The following EXTL1 variants were observed in gnomAD, a reference collection of about 807,000 sequenced individuals.
EXTL1 encodes the protein exostosin like glycosyltransferase 1.
EXTL1 carries 43 observed loss-of-function variants against 64.6 expected under a neutral mutation model. The observed-to-expected ratio is 0.67, with a 90% CI of 0.52 to 0.86. The LOEUF is 0.86. Ranked by LOEUF, EXTL1 falls within the 40% of genes least tolerant of loss-of-function variation. The pLI is 0.00. For synonymous variants in EXTL1, 352 were observed against 360.5 expected (o/e 0.98, Z 0.27); for missense variants, 766 against 879.0 (o/e 0.87, Z 1.62).
At chr1:26,026,253 A>AAAAG (rs2050214476) in intron 1 of EXTL1, among the ~76,000 whole-genome samples, 1 of 151,684 alleles carries the variant, frequency 6.6e-6, no homozygotes, top group African/African-American at 2.4e-5. Context: ...AAAAAAAAAA[A>AAAAG]AAAAAGGCAG....
In EXTL1 at chr1:26,025,486, A is replaced by G. The variant is rs2050204698; in HGVS notation, c.779+2061A>G. 6.6e-6 allele frequency among the ~76,000 whole-genome samples: 1 copy of G among 152,140 alleles called. No homozygotes were observed. Among genetic ancestry groups the G allele is most frequent in the Non-Finnish European group, 1.5e-5 (1 of 68,028 alleles). ...AGGGTGACAAGGTTCCCTCTTCTCC[A>G]TGAGCCCCTCACTTTTCTAATCAGG... On this transcript the variant is annotated intron_variant, in intron 1 of 10. Coordinates refer to ENST00000374280, the MANE Select transcript of EXTL1 (RefSeq NM_004455.3). The surrounding 1 kb of genome is among the most constrained non-coding windows in gnomAD (Gnocchi z 5.3).
intron 1 of EXTL1, among the ~76,000 whole-genome samples, chr1:26,028,435 A>G (rs756627170): frequency 6.6e-6 from 1 of 152,174 alleles, no homozygotes; most frequent in Non-Finnish European, 1.5e-5. Context: ...GGCCCTAGTC[A>G]TGAGTCCCAC....
Position 26,035,505 on chromosome 1 carries a change from C to T in EXTL1, c.*158C>T. On this transcript the variant is annotated 3_prime_UTR_variant, in exon 11 of 11. Transcript: ENST00000374280. This position sits in a 1 kb window ranked among gnomAD's most constrained non-coding sequence, Gnocchi z 5.3. ...CGGTTGGCCAATCACAACAGGGGGG[C>T]GTGGCCTTACCTTCTCCTGCTCGCC... is the stretch of plus-strand genomic sequence containing the variant. 1.7e-6 allele frequency: 1 copy of T among 588,850 alleles called. No homozygotes were observed. Among genetic ancestry groups the T allele is most frequent in the South Asian group, 2.9e-5 (1 of 34,428 alleles). The allele number at this position is 588,850 out of a possible 1,614,324, so 36.5% of individuals were successfully genotyped here.
chr1:26,029,530 T>C (rs1262772304), intron 2 of EXTL1, 70 bp from the exon 3 acceptor site: 2 of 941,948 alleles, frequency 2.1e-6, no homozygotes, highest in East Asian at 5.2e-5. Context: ...AGCTACTGAC[T>C]TGGAACTGGG....
intron 1 of EXTL1, among the ~76,000 whole-genome samples, chr1:26,028,859 G>A (rs77723509): frequency 0.062 from 9,394 of 152,268 alleles, 436 homozygotes; most frequent in Middle Eastern, 0.17. Context: ...GCAGGGCCTC[G>A]GAAACATCAG....
At position 26,033,318 on chromosome 1, in the gene EXTL1, G is replaced by A. The variant is rs2050308272; in HGVS notation, c.1518+3G>A. 1.2e-6 allele frequency: 2 copies of A among 1,613,204 alleles called. No individual in the cohort carries two copies. Among genetic ancestry groups the A allele is most frequent in the Non-Finnish European group, 1.7e-6 (2 of 1,179,294 alleles). ...GCAGCAGTCTTTCCACAAGTGAGGT[G>A]AGGGCTGGGCCCAAGAGAAGCCCAG... On this transcript the variant is annotated splice_donor_region_variant and intron_variant, in intron 8 of 10. Coordinates refer to ENST00000374280, the MANE Select transcript of EXTL1 (RefSeq NM_004455.3). This position sits in a 1 kb window ranked among gnomAD's most constrained non-coding sequence, Gnocchi z 5.1.
intron 1 of EXTL1, 61 bp downstream of exon 1, chr1:26,023,486 A>G (rs2124399983): frequency 7.2e-7 from 1 of 1,388,676 alleles, no homozygotes; most frequent in Non-Finnish European, 9.4e-7. Flanking sequence ...CGCAAGCCCA[A>G]AAACGAGGGT....
intron 1 of EXTL1, among the ~76,000 whole-genome samples, chr1:26,028,222 G>A (rs899821881): frequency 5.3e-5 from 8 of 152,228 alleles, no homozygotes; most frequent in African/African-American, 1.9e-4. Flanking sequence ...GTCAGGAGCT[G>A]GCAAATCTCT....
chr1:26,031,534 C>G lies in EXTL1; in HGVS notation c.1309C>G (p.Gln437Glu). The change falls in exon 6 of 11, where the codon CAG becomes GAG. Residue 437 changes from glutamine to glutamate, a missense_variant. This residue lies in a region of EXTL1 where 571 missense variants were observed against 647.6 expected (regional missense o/e 0.88). Coordinates refer to ENST00000374280, the MANE Select transcript of EXTL1 (RefSeq NM_004455.3). ...AGGCCAGCCCCCTCTGAAGCTCATC[C>G]AGGCGGTGGCAGGCTCCCAGCACTG... Reference protein sequence around the residue: ...PPGQPPLKLIQAVAGSQHCAQ... With the variant: ...PPGQPPLKLIEAVAGSQHCAQ... The G allele has an allele frequency of 6.3e-7, 1 of 1,597,560 alleles. No homozygotes were observed. Among genetic ancestry groups the G allele is most frequent in the Non-Finnish European group, 8.5e-7 (1 of 1,172,120 alleles).
At position 26,034,698 on chromosome 1, in the gene EXTL1, A is replaced by G; in HGVS notation, c.1680-138A>G. 1 of 793,000 alleles carries G rather than the reference A, an allele frequency of 1.3e-6. No individual in the cohort carries two copies. The highest frequency in any genetic ancestry group is 2.1e-6 in the Non-Finnish European group (1 of 481,722). The allele number at this position is 793,000 out of a possible 1,614,324, so 49.1% of individuals were successfully genotyped here. A position where few individuals can be genotyped will look rare whatever the true frequency, so the allele number is the denominator to read the frequency against. On this transcript the variant is annotated intron_variant, in intron 9 of 10. Transcript: ENST00000374280. This position sits in a 1 kb window ranked among gnomAD's most constrained non-coding sequence, Gnocchi z 4.6. ...CAATGGAGAGCTGTTCACGCCAGGG[A>G]TGGGAGCTCTCTGAGGCAGCCAGGG...
chr1:26,031,512 C>G lies in EXTL1; in HGVS notation c.1287C>G (p.Gly429=), dbSNP rs767381466. The G allele has an allele frequency of 1.2e-6, 2 of 1,601,768 alleles. No individual in the cohort carries two copies. Among genetic ancestry groups the G allele is most frequent in the East Asian group, 4.5e-5 (2 of 44,478 alleles). The change falls in exon 6 of 11, where the codon GGC becomes GGG. Residue 429 remains glycine (G), a synonymous_variant. Transcript: ENST00000374280. The part of the protein sequence containing the change: ...FSALIWVGPP[G]QPPLKLIQAV... ...CCCTGATCTGGGTGGGGCCCCCAGG[C>G]CAGCCCCCTCTGAAGCTCATCCAGG...
chr1:26,029,310 C>T (rs377637365), intron 2 of EXTL1, 24 bp downstream of exon 2: 5 of 1,584,014 alleles, frequency 3.2e-6, no homozygotes, highest in African/African-American at 2.7e-5. Flanking sequence ...TTGAGCATCA[C>T]CCATCCTCTG....
Position 26,022,748 on chromosome 1 carries a change from G to C in EXTL1, c.102G>C (p.Leu34Phe). The change falls in exon 1 of 11, where the codon TTG becomes TTC. Residue 34 changes from leucine to phenylalanine, a missense_variant. Around this residue, in one of 3 missense-constraint regions of EXTL1, gnomAD observed 571 missense variants for 647.6 expected, o/e 0.88. Transcript: ENST00000374280. ...LGGFSLLRLA[L>F]PPRPRPGASQ... ...GCTTCTCCCTTCTCCGCCTGGCATT[G>C]CCTCCCAGACCTCGGCCCGGGGCTT... is the stretch of plus-strand genomic sequence containing the variant. 3.1e-6 allele frequency: 5 copies of C among 1,614,076 alleles called. No individual in the cohort carries two copies. Among genetic ancestry groups the C allele is most frequent in the Non-Finnish European group, 4.2e-6 (5 of 1,179,998 alleles).
At chr1:26,023,500 A>C in intron 1 of EXTL1, 75 bp downstream of exon 1, 1 of 1,365,654 alleles carries the variant, frequency 7.3e-7, no homozygotes, top group Non-Finnish European at 9.5e-7. Flanking sequence ...CGAGGGTAGA[A>C]GGCAGGACTG....
Position 26,035,711 on chromosome 1 carries a change from T to G in EXTL1, c.*364T>G. 1 of 211,658 alleles carries G rather than the reference T, an allele frequency of 4.7e-6. No individual in the cohort carries two copies. Among genetic ancestry groups the G allele is most frequent in the Non-Finnish European group, 9.4e-6 (1 of 106,376 alleles). The allele number at this position is 211,658 out of a possible 1,614,324, so 13.1% of individuals were successfully genotyped here. On this transcript the variant is annotated 3_prime_UTR_variant, in exon 11 of 11. Transcript: ENST00000374280. This position sits in a 1 kb window ranked among gnomAD's most constrained non-coding sequence, Gnocchi z 5.3. ...CCTTTGCGCTTTCGCAGTCCAGTGTTTGCCGCGGTTCCCGCACGGTCAGGC... is the reference window on the plus strand; with the variant it reads ...CCTTTGCGCTTTCGCAGTCCAGTGTGTGCCGCGGTTCCCGCACGGTCAGGC...
At position 26,029,187 on chromosome 1, in the gene EXTL1, C is replaced by T. The variant is rs775759041; in HGVS notation, c.780-6C>T. 1.9e-6 allele frequency: 3 copies of T among 1,611,976 alleles called. No individual in the cohort carries two copies. In the South Asian group the frequency reaches 3.3e-5, roughly 18 times the overall value. ...TGTGGTGGGACCTCCCCATGTGCCT[C>T]TTTAGGACCCAGCGCCAGGAGACGC... On this transcript the variant is annotated splice_region_variant and splice_polypyrimidine_tract_variant and intron_variant, in intron 1 of 10. Transcript: ENST00000374280.
intron 1 of EXTL1, among the ~76,000 whole-genome samples, chr1:26,028,923 G>A (rs966157736): frequency 1.3e-5 from 2 of 152,228 alleles, no homozygotes; most frequent in African/African-American, 4.8e-5. Context: ...AGAAAGGCAA[G>A]GGAGGTGTCT....
intron 3 of EXTL1, 145 bp downstream of exon 3, chr1:26,029,852 C>T (rs2050263200): frequency 3.2e-6 from 2 of 618,984 alleles, no homozygotes; most frequent in East Asian, 5.6e-5. Context: ...CAAGTCTCCC[C>T]TCTGGGGCTC....
At position 26,034,780 on chromosome 1, in the gene EXTL1, T is replaced by C. The variant is rs551437411; in HGVS notation, c.1680-56T>C. The C allele has an allele frequency of 5.8e-6, 9 of 1,562,100 alleles. No individual in the cohort carries two copies. The East Asian group carries it at 1.1e-4, about 20-fold the overall frequency. ...GAGGTGAGGTCAGGAGGGAGGAGAA[T>C]GGGGCCTGGGGATGGATTTGGCTGC... is the stretch of plus-strand genomic sequence containing the variant. On this transcript the variant is annotated intron_variant, in intron 9 of 10. Coordinates refer to ENST00000374280, the MANE Select transcript of EXTL1 (RefSeq NM_004455.3). This position sits in a 1 kb window ranked among gnomAD's most constrained non-coding sequence, Gnocchi z 4.6.
Sources: gnomAD v4.1 joint callset for allele counts (sites outside exome capture counted in the v4.1 genomes callset) on GRCh38, gnomAD v4.1.1 for gene constraint, gnomAD v4.1.1 regional missense constraint, Gnocchi (gnomAD v3.1) non-coding constraint, MANE v1.5 for transcripts, NCBI Gene and HGNC (gene_info 2026-07-23, HGNC 2026-07-21) for gene names.